ZNF611: variants seen among roughly 807,000 people sequenced by gnomAD.
The protein encoded by ZNF611 is zinc finger protein 611.
In ZNF611, 6 loss-of-function variants were observed where a neutral mutation model predicts 8.9. That is an observed-to-expected ratio of 0.68 (90% CI 0.37 to 1.34). ZNF611 has a LOEUF of 1.34. ZNF611 is among the 40% of genes most tolerant of loss of function. The pLI is 0.02. For synonymous variants in ZNF611, 262 were observed against 279.7 expected (o/e 0.94, Z 0.63); for missense variants, 874 against 841.3 (o/e 1.04, Z -0.48).
At chr19:52,712,546 G>A (rs572976482) in intron 5 of ZNF611, among the ~76,000 whole-genome samples, 15 of 148,466 alleles carry the variant, frequency 1.0e-4, no homozygotes, top group Middle Eastern at 3.6e-3. Context: ...GGCTGAGGTA[G>A]CAGATTGCTT....
In ZNF611 at chr19:52,705,548, T is replaced by C. The variant is rs147310094; in HGVS notation, c.1507A>G (p.Ile503Val). The stretch of plus-strand genomic sequence containing the variant: ...TTGTAAGGTTGCTCCCCAGTATGAA[T>C]TGACTTATGAATTAAAAGATCTGAA... Reference protein sequence around the residue: ...QNSDLLIHKSIHTGEQPYKCD... With the variant: ...QNSDLLIHKSVHTGEQPYKCD... The change falls in exon 6 of 6, where the codon ATT (isoleucine) becomes GTT (valine). Residue 503 changes from isoleucine to valine, a missense_variant. Physicochemically the swap from Ile to Val is conservative, Grantham distance 29 (BLOSUM62 3). Transcript: ENST00000652185. The C allele has an allele frequency of 3.4e-5, 55 of 1,614,128 alleles. No homozygotes were observed. In the African/African-American group the frequency reaches 3.7e-4, roughly 11 times the overall value.
At chr19:52,709,254 T>C (rs2062264495) in intron 5 of ZNF611, among the ~76,000 whole-genome samples, 1 of 152,086 alleles carries the variant, frequency 6.6e-6, no homozygotes, top group South Asian at 2.1e-4. Flanking sequence ...TTTTTTTCTT[T>C]CTCTCTTTAC....
chr19:52,733,796 TCCTCACAA>T (rs1027257049), intron 1 of ZNF611, among the ~76,000 whole-genome samples: 48 of 152,070 alleles, frequency 3.2e-4, no homozygotes, highest in Admixed American at 1.1e-3. Context: ...TTCTCCTCCA[TCCTCACAA>T]CTTATTTAAC....
intron 1 of ZNF611, among the ~76,000 whole-genome samples, chr19:52,732,042 G>A (rs985378391): frequency 3.3e-5 from 5 of 151,774 alleles, no homozygotes; most frequent in Non-Finnish European, 5.9e-5. Flanking sequence ...AGGCTGAGGC[G>A]GGCGGATCAC....
intron 1 of ZNF611, among the ~76,000 whole-genome samples, chr19:52,734,159 G>T: frequency 6.8e-6 from 1 of 148,096 alleles, no homozygotes. Flanking sequence ...ACATTTCTCC[G>T]GTTGCTTTTC....
In ZNF611 at chr19:52,705,172, C is replaced by A; in HGVS notation, c.1883G>T (p.Gly628Val). Residue 628 changes from glycine to valine, a missense_variant, in exon 6 of 6, where the codon GGC becomes GTC. Transcript: ENST00000652185. Reference sequence around the variant, plus strand: ...GGATGAGCAGTGACGGAAGGTATTGCCACACTCATTACACTTGTAAGGTTT... The same window carrying A: ...GGATGAGCAGTGACGGAAGGTATTGACACACTCATTACACTTGTAAGGTTT... ...GEKPYKCNEC[G>V]NTFRHCSSLI... 1 of 1,614,028 alleles carries A rather than the reference C, an allele frequency of 6.2e-7. No individual in the cohort carries two copies. The highest frequency in any genetic ancestry group is 8.5e-7 in the Non-Finnish European group (1 of 1,180,010).
chr19:52,704,583 T>C lies in ZNF611; in HGVS notation c.*354A>G, dbSNP rs2062226385. 1 of 1,547,470 alleles carries C rather than the reference T, an allele frequency of 6.5e-7. No individual in the cohort carries two copies. On this transcript the variant is annotated 3_prime_UTR_variant, in exon 6 of 6. Transcript: ENST00000652185. Reference sequence around the variant, plus strand: ...CAATATGTGAACGATCTCTGAAAAATTTGCCACATTTATTACACTTGTAAG... The same window carrying C: ...CAATATGTGAACGATCTCTGAAAAACTTGCCACATTTATTACACTTGTAAG...
chr19:52,705,833 T>G lies in ZNF611; in HGVS notation c.1222A>C (p.Thr408Pro). The change falls in exon 6 of 6, where the codon ACG becomes CCG. Residue 408 changes from threonine to proline, a missense_variant. By Grantham distance (38) the Thr-to-Pro change is conservative (BLOSUM62 -1). Transcript: ENST00000652185. ...YRCKVCDTAF[T>P]WHSQLARHRR... The stretch of plus-strand genomic sequence containing the variant: ...TGTCGAGCCAGCTGTGAATGCCACG[T>G]GAAAGCTGTGTCACAAACCTTACAT... 6.2e-7 allele frequency: 1 copy of G among 1,613,752 alleles called. No homozygotes were observed. Among genetic ancestry groups the G allele is most frequent in the Non-Finnish European group, 8.5e-7 (1 of 1,179,932 alleles).
chr19:52,726,416 CTTTTT>C (rs1456057195), intron 3 of ZNF611, among the ~76,000 whole-genome samples: 1 of 152,010 alleles, frequency 6.6e-6, no homozygotes, highest in Non-Finnish European at 1.5e-5. Context: ...CTTTTCTTTC[CTTTTT>C]ATTTATTTTT....
At chr19:52,714,912 C>T (rs1291874415) in intron 4 of ZNF611, among the ~76,000 whole-genome samples, 4 of 151,760 alleles carry the variant, frequency 2.6e-5, no homozygotes, top group South Asian at 2.1e-4. Context: ...GCAGGAGGAT[C>T]GCTTGAATCC....
chr19:52,713,110 C>T (rs991714276), intron 5 of ZNF611, among the ~76,000 whole-genome samples: 4 of 152,046 alleles, frequency 2.6e-5, no homozygotes, highest in African/African-American at 4.8e-5. Flanking sequence ...GCAGGAGAGT[C>T]GCTTGAACCC....
intron 1 of ZNF611, among the ~76,000 whole-genome samples, chr19:52,733,245 T>C (rs2062436468): frequency 6.6e-6 from 1 of 152,140 alleles, no homozygotes; most frequent in East Asian, 1.9e-4. Context: ...GAACTCAACA[T>C]GTCACAACCA....
chr19:52,731,110 TG>T (rs1053726076), intron 1 of ZNF611, among the ~76,000 whole-genome samples: 58 of 151,990 alleles, frequency 3.8e-4, no homozygotes, highest in African/African-American at 1.2e-3. Context: ...TCACCCAGGC[TG>T]GAGTGCCGTG....
intron 1 of ZNF611, among the ~76,000 whole-genome samples, chr19:52,730,629 G>A (rs989447061): frequency 3.3e-5 from 5 of 151,842 alleles, no homozygotes; most frequent in African/African-American, 1.2e-4. Flanking sequence ...TTGTTGCCCA[G>A]GCTGGAGTGC....
intron 5 of ZNF611, among the ~76,000 whole-genome samples, chr19:52,711,456 C>T (rs572666281): frequency 5.3e-5 from 8 of 152,040 alleles, no homozygotes; most frequent in South Asian, 2.1e-4. Flanking sequence ...TTTGCACGTA[C>T]GGTAAGTGAG....
intron 3 of ZNF611, among the ~76,000 whole-genome samples, chr19:52,726,835 G>A (rs1434713269): frequency 6.6e-6 from 1 of 151,608 alleles, no homozygotes; most frequent in South Asian, 2.1e-4. Flanking sequence ...GTTTGTGAAA[G>A]AGATCAATTA....
At chr19:52,723,167 C>G (rs1015547962) in intron 3 of ZNF611, among the ~76,000 whole-genome samples, 1 of 150,102 alleles carries the variant, frequency 6.7e-6, no homozygotes, top group African/African-American at 2.5e-5. Context: ...TATTTTGTAC[C>G]TCTCTCCTCT....
At chr19:52,723,781 C>A (rs1157922360) in intron 3 of ZNF611, 1 of 152,116 alleles carries the variant, frequency 6.6e-6, no homozygotes, top group African/African-American at 2.4e-5. Flanking sequence ...TGTGGAAGGA[C>A]TGTAGGGTAA....
chr19:52,726,336 C>A (rs1309688559), intron 3 of ZNF611, among the ~76,000 whole-genome samples: 1 of 152,202 alleles, frequency 6.6e-6, no homozygotes, highest in Non-Finnish European at 1.5e-5. Flanking sequence ...GGGTCCAGGC[C>A]AGCCTGGGCG....
Sources: gnomAD v4.1 joint callset for allele counts (sites outside exome capture counted in the v4.1 genomes callset) on GRCh38, gnomAD v4.1.1 for gene constraint, MANE v1.5 for transcripts, NCBI Gene and HGNC (gene_info 2026-07-23, HGNC 2026-07-21) for gene names.